The following DMD variants were observed in gnomAD, a reference collection of about 807,000 sequenced individuals.
The protein encoded by DMD is mutant dystrophin.
Under a neutral mutation model 330.1 loss-of-function variants are expected in DMD, and 63 were observed. That is an observed-to-expected ratio of 0.19 (90% confidence interval 0.16 to 0.24). The LOEUF is 0.24. DMD is among the 10% of genes least tolerant of loss of function. The pLI is 1.00. For synonymous variants in DMD, 1,223 were observed against 959.8 expected (o/e 1.27, Z -5.07); for missense variants, 3,344 against 2,684.1 (o/e 1.25, Z -5.43).
intron 16 of DMD, among the ~76,000 whole-genome samples, chrX:32,564,660 C>T (rs1249035379): frequency 9.0e-6 from 1 of 111,442 alleles, no homozygotes; most frequent in Non-Finnish European, 1.9e-5. Context: ...AATTTTTTAA[C>T]GTAAAATTGG....
intron 60 of DMD, among the ~76,000 whole-genome samples, chrX:31,418,446 C>T (rs1245447832): frequency 9.0e-6 from 1 of 111,572 alleles, no homozygotes; most frequent in Non-Finnish European, 1.9e-5. Context: ...CAAGCCACAG[C>T]AGTAAGGCAA....
intron 44 of DMD, among the ~76,000 whole-genome samples, chrX:32,137,036 ATTT>A (rs903226650): frequency 1.8e-4 from 20 of 112,365 alleles, no homozygotes; most frequent in African/African-American, 6.4e-4. Context: ...AGAAAATAAT[ATTT>A]TATTATGTAC....
At chrX:32,252,832 AAAT>A (rs2097278499) in intron 43 of DMD, among the ~76,000 whole-genome samples, 1 of 63,493 alleles carries the variant, frequency 1.6e-5, no homozygotes, top group African/African-American at 6.1e-5. Flanking sequence ...AAATATATAT[AAAT>A]ATATATAAAT....
chrX:32,132,993 C>CTTTTCTTT lies in DMD; in HGVS notation c.6438+83922_6438+83923insAAAGAAAA, dbSNP rs2096705124. ...TCTCATTGATCACTCCTTTTCTTTTCTTTTTTTTTTTTTTTTTTTTTTTTT... is the reference window on the plus strand; with the variant it reads ...TCTCATTGATCACTCCTTTTCTTTTCTTTTCTTTTTTTTTTTTTTTTTTTTTTTTTTTT... On this transcript the variant is annotated intron_variant, in intron 44 of 78. Transcript: ENST00000357033. Among the ~76,000 whole-genome samples, 6 of 75,959 alleles carry CTTTTCTTT rather than the reference C, an allele frequency of 7.9e-5. 1 individual carries two copies. The highest frequency in any genetic ancestry group is 2.8e-4 in the African/African-American group (4 of 14,529). The allele number at this position is 75,959 out of a possible 115,157, so 66.0% of individuals were successfully genotyped here. A position where few individuals can be genotyped will look rare whatever the true frequency, so the allele number is the denominator to read the frequency against.
intron 2 of DMD, among the ~76,000 whole-genome samples, chrX:32,909,727 G>A (rs1214102772): frequency 8.9e-6 from 1 of 111,950 alleles, no homozygotes; most frequent in East Asian, 2.8e-4. Flanking sequence ...GATAAGCTTG[G>A]CCAAATATTT....
chrX:31,688,554 G>C (rs1173669722), intron 52 of DMD, among the ~76,000 whole-genome samples: 1 of 111,626 alleles, frequency 9.0e-6, no homozygotes, highest in Non-Finnish European at 1.9e-5. Flanking sequence ...AGAGGAACTG[G>C]TATCATTCCT....
At chrX:33,321,533 A>T (rs980487817) in intron 1 of DMD, among the ~76,000 whole-genome samples, 2 of 111,947 alleles carry the variant, frequency 1.8e-5, no homozygotes, top group South Asian at 3.7e-4. Flanking sequence ...CTTTATTGTT[A>T]CTTTTATAGA....
chrX:32,153,236 C>T (rs770257155), intron 44 of DMD, among the ~76,000 whole-genome samples: 1 of 111,811 alleles, frequency 8.9e-6, no homozygotes, highest in South Asian at 3.7e-4. Flanking sequence ...TGTACACAGA[C>T]AATATCTCTG....
intron 55 of DMD, 30 bp downstream of exon 55, chrX:31,627,643 A>G (rs1379180255): frequency 8.4e-7 from 1 of 1,197,397 alleles, no homozygotes; most frequent in Non-Finnish European, 1.1e-6. Context: ...TGGATCCACA[A>G]GAGTGCTAAA....
At chrX:32,747,229 A>C (rs941582487) in intron 7 of DMD, among the ~76,000 whole-genome samples, 1 of 112,221 alleles carries the variant, frequency 8.9e-6, no homozygotes, top group African/African-American at 3.2e-5. Flanking sequence ...ATTTTTTACA[A>C]TGTCTCCTCA....
At chrX:32,954,226 T>A (rs972259145) in intron 2 of DMD, among the ~76,000 whole-genome samples, 1 of 112,403 alleles carries the variant, frequency 8.9e-6, no homozygotes, top group South Asian at 3.7e-4. Flanking sequence ...ATCAACATTT[T>A]AAAAATTCCA....
chrX:33,142,380 C>G (rs780390624), intron 1 of DMD, among the ~76,000 whole-genome samples: 3 of 112,993 alleles, frequency 2.7e-5, no homozygotes, highest in Non-Finnish European at 3.7e-5. Context: ...CCGCTGTGCC[C>G]GGCGAGGCTT....
At chrX:32,200,370 T>C (rs762639681) in intron 44 of DMD, among the ~76,000 whole-genome samples, 3 of 112,174 alleles carry the variant, frequency 2.7e-5, no homozygotes, top group South Asian at 7.3e-4. Flanking sequence ...ATACGTAATT[T>C]GTAATTTTCA....
At chrX:32,492,129 G>A (rs58792175) in intron 19 of DMD, among the ~76,000 whole-genome samples, 1,138 of 111,865 alleles carry the variant, frequency 0.01, 18 homozygotes, top group South Asian at 0.058. Flanking sequence ...ACGGCATCGG[G>A]AGATCAAGAC....
At chrX:32,890,809 GCTTT>G (rs767213735) in intron 2 of DMD, among the ~76,000 whole-genome samples, 1 of 111,604 alleles carries the variant, frequency 9.0e-6, no homozygotes, top group Non-Finnish European at 1.9e-5. Context: ...TTTTCATTTT[GCTTT>G]ATTTTTGCTT....
chrX:31,173,576 C>T lies in DMD; in HGVS notation c.10291G>A (p.Asp3431Asn), dbSNP rs776084073. ...TGTTCAATGCGTGAATGAGTATCAT[C>T]GTGTGAAAGCTGAGGGGACGAGGCA... ...APASSPQLSH[D>N]DTHSRIEHYA... Residue 3431 changes from aspartate (D) to asparagine (N), a missense_variant, in exon 72 of 79, where the codon GAT becomes AAT. Coordinates refer to ENST00000357033, the MANE Select transcript of DMD (RefSeq NM_004006.3). The T allele has an allele frequency of 1.3e-5, 16 of 1,210,062 alleles. No homozygotes were observed. Among genetic ancestry groups the T allele is most frequent in the Admixed American group, 2.2e-5 (1 of 45,921 alleles).
At chrX:31,336,211 A>C (rs938043701) in intron 61 of DMD, among the ~76,000 whole-genome samples, 4 of 112,554 alleles carry the variant, frequency 3.6e-5, no homozygotes, top group Non-Finnish European at 7.5e-5. Flanking sequence ...TCATTACCAC[A>C]AATTGTGCAG....
chrX:32,818,647 A>G (rs2077958903), intron 5 of DMD, among the ~76,000 whole-genome samples: 2 of 111,891 alleles, frequency 1.8e-5, no homozygotes, highest in South Asian at 7.5e-4. Flanking sequence ...ACTAGGAGTT[A>G]ACTGGGCCAA....
intron 2 of DMD, among the ~76,000 whole-genome samples, chrX:32,918,031 G>A (rs1569542338): frequency 9.1e-6 from 1 of 110,252 alleles, no homozygotes. Flanking sequence ...TCAGCCTTTG[G>A]TAGAGATAGG....
Sources: allele counts gnomAD v4.1 joint callset (sites outside exome capture counted in the v4.1 genomes callset), GRCh38; gene constraint gnomAD v4.1.1; transcripts MANE v1.5; gene names NCBI Gene and HGNC (gene_info 2026-07-23, HGNC 2026-07-21).